KIF26B: variants seen among roughly 807,000 people sequenced by gnomAD.
KIF26B encodes the protein kinesin-like protein KIF26B.
A neutral mutation model predicts 151.2 loss-of-function variants in KIF26B; 63 were observed. The observed-to-expected ratio is 0.42, with a 90% CI of 0.34 to 0.51. The LOEUF (loss-of-function observed/expected upper bound fraction) is 0.51. KIF26B is among the 20% of genes least tolerant of loss of function. The pLI, the probability that KIF26B is intolerant of heterozygous loss-of-function variation, is 0.07. For synonymous variants in KIF26B, 1,357 were observed against 1,262.1 expected (o/e 1.08, Z -1.59); for missense variants, 2,813 against 2,913.6 (o/e 0.97, Z 0.79).
At chr1:245,349,559 CAAA>C (rs58254627) in intron 2 of KIF26B, among the ~76,000 whole-genome samples, 3,995 of 75,826 alleles carry the variant, frequency 0.053, 150 homozygotes, top group African/African-American at 0.13. Context: ...AAATAAACTT[CAAA>C]AAAAAAAAAA....
chr1:245,603,667 G>T (rs1050640229), intron 6 of KIF26B, among the ~76,000 whole-genome samples: 3 of 152,150 alleles, frequency 2.0e-5, no homozygotes, highest in African/African-American at 4.8e-5. Flanking sequence ...GCTAGCTTGG[G>T]CTAGTTCTCA....
intron 2 of KIF26B, among the ~76,000 whole-genome samples, chr1:245,186,137 T>C (rs1454969599): frequency 2.0e-5 from 3 of 152,098 alleles, no homozygotes; most frequent in Non-Finnish European, 4.4e-5. Flanking sequence ...TCTCCCAAAG[T>C]GCTGGGATTA....
At chr1:245,700,965 TTAACATTTTATTTTC>T (rs2044763207) in intron 14 of KIF26B, among the ~76,000 whole-genome samples, 1 of 152,148 alleles carries the variant, frequency 6.6e-6, no homozygotes, top group African/African-American at 2.4e-5. Context: ...GCTATTTTCA[TTAACATTTTATTTTC>T]AAGAACTGTT....
chr1:245,681,411 G>A (rs750780844), intron 10 of KIF26B, among the ~76,000 whole-genome samples: 1 of 152,052 alleles, frequency 6.6e-6, no homozygotes, highest in Admixed American at 6.5e-5. Flanking sequence ...GGGTTTCACC[G>A]TGTTAGCCAG....
rs577782040 is a variant in KIF26B at position 245,637,565 on chromosome 1, G to A, written c.2099-8556G>A. ...TGCTTTTATTGCCTATGTTTTTGAG[G>A]TCTTACCCCAAAAATATTCGCCAAT... On this transcript the variant is annotated intron_variant, in intron 9 of 14. Transcript: ENST00000407071. Among the ~76,000 whole-genome samples, 776 of 151,814 alleles carry A rather than the reference G, an allele frequency of 5.1e-3. 11 individuals carry two copies. The highest frequency in any genetic ancestry group is 0.018 in the African/African-American group (735 of 41,438).
chr1:245,441,968 C>T (rs1368516376), intron 4 of KIF26B, among the ~76,000 whole-genome samples: 1 of 152,206 alleles, frequency 6.6e-6, no homozygotes, highest in African/African-American at 2.4e-5. Flanking sequence ...GCATCTGGCC[C>T]TTTGATGGCT....
chr1:245,279,723 T>C (rs1171956795), intron 2 of KIF26B, among the ~76,000 whole-genome samples: 2 of 152,088 alleles, frequency 1.3e-5, no homozygotes, highest in Admixed American at 6.5e-5. Context: ...ACTGTTCTCA[T>C]TTCTCCCCAA....
At chr1:245,210,604 G>A (rs1669500245) in intron 2 of KIF26B, among the ~76,000 whole-genome samples, 1 of 150,654 alleles carries the variant, frequency 6.6e-6, no homozygotes, top group South Asian at 2.1e-4. Context: ...TGAAGTGAGT[G>A]AAAAAATTTG....
At chr1:245,462,345 A>G (rs1659666001) in intron 4 of KIF26B, among the ~76,000 whole-genome samples, 1 of 152,174 alleles carries the variant, frequency 6.6e-6, no homozygotes, top group Non-Finnish European at 1.5e-5. Context: ...GCCATTACAT[A>G]TGCACGCGTA....
chr1:245,668,814 C>T (rs2044248570), intron 10 of KIF26B, among the ~76,000 whole-genome samples: 1 of 152,124 alleles, frequency 6.6e-6, no homozygotes, highest in Non-Finnish European at 1.5e-5. Context: ...CTCAGCCTCC[C>T]AAGTAGCTGG....
chr1:245,209,704 G>C (rs190729797), intron 2 of KIF26B, among the ~76,000 whole-genome samples: 46 of 152,348 alleles, frequency 3.0e-4, no homozygotes, highest in Middle Eastern at 3.4e-3. Context: ...ACACACATAA[G>C]AAATAATGCA....
At chr1:245,547,230 G>A (rs1771507) in intron 5 of KIF26B, among the ~76,000 whole-genome samples, 55,054 of 152,090 alleles carry the variant, frequency 0.36, 10,207 homozygotes, top group Middle Eastern at 0.4. Context: ...AGTGGGAACT[G>A]TTAGGAGAAT....
At chr1:245,262,725 G>A (rs1036784787) in intron 2 of KIF26B, among the ~76,000 whole-genome samples, 2 of 152,168 alleles carry the variant, frequency 1.3e-5, no homozygotes, top group Non-Finnish European at 1.5e-5. Flanking sequence ...AAAGTGCTGG[G>A]ATTACAGGCG....
rs192605334 is a variant in KIF26B, at chr1:245,296,228, A to G, written c.466-70606A>G. ...TTTACCCAAGGTAAATTCAGAGAACAGGGGTGCGCAGTGTTACATATGGCA... is the reference window on the plus strand; with the variant it reads ...TTTACCCAAGGTAAATTCAGAGAACGGGGGTGCGCAGTGTTACATATGGCA... On this transcript the variant is annotated intron_variant, in intron 2 of 14. Coordinates refer to ENST00000407071, the MANE Select transcript of KIF26B (RefSeq NM_018012.4). 4.8e-4 allele frequency among the ~76,000 whole-genome samples: 73 copies of G among 151,666 alleles called. 1 individual carries two copies. In the East Asian group the frequency reaches 8.6e-3, roughly 18 times the overall value.
intron 4 of KIF26B, among the ~76,000 whole-genome samples, chr1:245,537,978 T>C (rs1488682724): frequency 6.6e-6 from 1 of 152,144 alleles, no homozygotes; most frequent in Non-Finnish European, 1.5e-5. Context: ...GGACAAGGAC[T>C]GAGCCCTGAG....
At chr1:245,301,228 G>A (rs61711343) in intron 2 of KIF26B, among the ~76,000 whole-genome samples, 8 of 152,278 alleles carry the variant, frequency 5.3e-5, no homozygotes, top group Admixed American at 6.5e-5. Flanking sequence ...CCTTCCTGCC[G>A]CATGCAGGAG....
At chr1:245,325,851 G>A (rs561468459) in intron 2 of KIF26B, among the ~76,000 whole-genome samples, 1 of 152,190 alleles carries the variant, frequency 6.6e-6, no homozygotes, top group Non-Finnish European at 1.5e-5. Flanking sequence ...GGGTGGTATT[G>A]TTTGTGACGT....
intron 5 of KIF26B, among the ~76,000 whole-genome samples, chr1:245,562,006 C>T (rs565914769): frequency 2.0e-4 from 30 of 152,240 alleles, no homozygotes; most frequent in African/African-American, 5.8e-4. Flanking sequence ...CTCCCAGGGC[C>T]GTTGCGGATT....
At chr1:245,643,072 C>T (rs1027786913) in intron 9 of KIF26B, among the ~76,000 whole-genome samples, 1 of 152,104 alleles carries the variant, frequency 6.6e-6, no homozygotes. Context: ...TTACTGTTTG[C>T]CTTATCCACA....
Sources: gnomAD v4.1 joint callset for allele counts (sites outside exome capture counted in the v4.1 genomes callset) on GRCh38, gnomAD v4.1.1 for gene constraint, MANE v1.5 for transcripts, NCBI Gene and HGNC (gene_info 2026-07-23, HGNC 2026-07-21) for gene names.